Variants in RAP1GAP2 observed in about 807,000 individuals in gnomAD.
The protein encoded by RAP1GAP2 is RAP1 GTPase activating protein 2.
In RAP1GAP2, 27 loss-of-function variants were observed where a neutral mutation model predicts 95.0. The observed-to-expected ratio is 0.28, with a 90% confidence interval of 0.21 to 0.39. The LOEUF (loss-of-function observed/expected upper bound fraction) is 0.39. Among genes scored for constraint, RAP1GAP2 ranks in the 10% least tolerant of loss-of-function variants. The pLI, the probability that RAP1GAP2 is intolerant of heterozygous loss-of-function variation, is 1.00. For synonymous variants in RAP1GAP2, 373 were observed against 380.9 expected, an observed-to-expected ratio of 0.98 and a Z score of 0.24; for missense variants, 771 against 970.0, an observed-to-expected ratio of 0.79 and a Z score of 2.72.
At chr17:2,830,272 G>A (rs111549081) in intron 2 of RAP1GAP2, among the ~76,000 whole-genome samples, 4,807 of 151,970 alleles carry the variant, frequency 0.032, 258 homozygotes, top group African/African-American at 0.11. Flanking sequence ...AAATTAGCTG[G>A]GTGTGGTGGT....
chr17:2,872,213 C>CAAAAAAA (rs562587177), intron 2 of RAP1GAP2, among the ~76,000 whole-genome samples: 789 of 75,628 alleles, frequency 0.01, 50 homozygotes, highest in South Asian at 0.035. Flanking sequence ...GCCTCTGTCT[C>CAAAAAAA]AAAAAAAAAA....
chr17:2,849,497 ATGCGTGTC>A (rs952193234), intron 2 of RAP1GAP2, among the ~76,000 whole-genome samples: 42 of 152,300 alleles, frequency 2.8e-4, no homozygotes, highest in African/African-American at 9.6e-4. Flanking sequence ...AGGGCCAGGC[ATGCGTGTC>A]TGTCTGCCTC....
intron 2 of RAP1GAP2, among the ~76,000 whole-genome samples, chr17:2,844,766 G>A (rs1452906084): frequency 6.6e-6 from 1 of 152,172 alleles, no homozygotes; most frequent in East Asian, 1.9e-4. Flanking sequence ...AGCCAAGCCG[G>A]AAAGTCTTTG....
At chr17:2,954,936 G>A (rs938575700) in intron 3 of RAP1GAP2, among the ~76,000 whole-genome samples, 1 of 152,164 alleles carries the variant, frequency 6.6e-6, no homozygotes, top group African/African-American at 2.4e-5. Context: ...TCAAGGGTCA[G>A]CAGTGTTGTG....
chr17:2,849,944 C>T (rs1037562356), intron 2 of RAP1GAP2, among the ~76,000 whole-genome samples: 17 of 151,106 alleles, frequency 1.1e-4, no homozygotes, highest in African/African-American at 3.7e-4. Context: ...GTGATTTCTT[C>T]AAGAACAGTG....
At chr17:2,989,030 G>T (rs1362051252) in intron 11 of RAP1GAP2, among the ~76,000 whole-genome samples, 2 of 152,034 alleles carry the variant, frequency 1.3e-5, no homozygotes, top group Admixed American at 6.5e-5. Context: ...CTGCACTCTA[G>T]CCTGGGTGAC....
At chr17:2,848,702 C>G (rs113301966) in intron 2 of RAP1GAP2, among the ~76,000 whole-genome samples, 16 of 152,054 alleles carry the variant, frequency 1.1e-4, no homozygotes, top group African/African-American at 3.9e-4. Flanking sequence ...TTAGTAGAGA[C>G]GGGGTTTCAC....
At chr17:2,893,053 G>T (rs2073772282) in intron 2 of RAP1GAP2, among the ~76,000 whole-genome samples, 1 of 151,056 alleles carries the variant, frequency 6.6e-6, no homozygotes, top group Non-Finnish European at 1.5e-5. Flanking sequence ...TTGAGATGGA[G>T]TTTTGCTCTT....
In RAP1GAP2 at chr17:2,816,974, A is replaced by C. The variant is rs547703389; in HGVS notation, c.80+16424A>C. ...GTTCATCCATGTTGTAGCGTGTGTC[A>C]GAATTTCCTTTTTTTTTTTTTTTTT... On this transcript the variant is annotated intron_variant, in intron 2 of 24. Coordinates refer to ENST00000254695, the MANE Select transcript of RAP1GAP2 (RefSeq NM_015085.5). Among the ~76,000 whole-genome samples, 17 of 101,540 alleles carry C rather than the reference A, an allele frequency of 1.7e-4. 2 individuals carry two copies. Among genetic ancestry groups the C allele is most frequent in the African/African-American group, 5.5e-4 (17 of 30,684 alleles). 66.6% of individuals were successfully genotyped at this position (101,540 alleles called of 152,430 possible).
At chr17:2,969,543 C>A (rs959499446) in intron 8 of RAP1GAP2, among the ~76,000 whole-genome samples, 1 of 123,934 alleles carries the variant, frequency 8.1e-6, no homozygotes, top group Non-Finnish European at 1.6e-5. Flanking sequence ...GCTCTGTTGC[C>A]CAGGTTGGAG....
In RAP1GAP2 at chr17:2,832,412, C is replaced by T. The variant is rs543587382; in HGVS notation, c.80+31862C>T. Among the ~76,000 whole-genome samples the T allele has an allele frequency of 5.3e-4, 79 of 148,556 alleles. No homozygotes were observed. The South Asian group carries it at 0.017, about 32-fold the overall frequency. The stretch of plus-strand genomic sequence containing the variant: ...TCTCTACTAAAAATACAAAAAATTA[C>T]CCAGGTGTTGTGGCGGGCACCTGTA... On this transcript the variant is annotated intron_variant, in intron 2 of 24. Transcript: ENST00000254695.
At chr17:2,806,630 C>T (rs2069533771) in intron 2 of RAP1GAP2, among the ~76,000 whole-genome samples, 1 of 151,576 alleles carries the variant, frequency 6.6e-6, no homozygotes, top group Non-Finnish European at 1.5e-5. Flanking sequence ...CTCGTGACCT[C>T]AGATGATCCA....
intron 2 of RAP1GAP2, among the ~76,000 whole-genome samples, chr17:2,804,352 C>G (rs2069423767): frequency 1.3e-5 from 2 of 152,232 alleles, no homozygotes; most frequent in African/African-American, 2.4e-5. Context: ...CCTCATGAAG[C>G]AGGCACCAAT....
intron 8 of RAP1GAP2, among the ~76,000 whole-genome samples, chr17:2,974,366 A>C (rs185849872): frequency 5.9e-5 from 9 of 151,908 alleles, no homozygotes; most frequent in Admixed American, 5.9e-4. Context: ...AAAAAGAAGG[A>C]AAATAACCCT....
intron 3 of RAP1GAP2, among the ~76,000 whole-genome samples, chr17:2,944,772 G>A (rs1468442317): frequency 1.3e-5 from 2 of 152,142 alleles, no homozygotes; most frequent in Admixed American, 1.3e-4. Context: ...ATGGAATGTC[G>A]TTCCATTTAT....
At position 3,008,040 on chromosome 17, in the gene RAP1GAP2, C is replaced by T. The variant is rs748112661; in HGVS notation, c.1389C>T (p.Asn463=). 2.5e-6 allele frequency: 4 copies of T among 1,613,840 alleles called. No individual in the cohort carries two copies. The African/African-American group carries it at 4.0e-5, about 16-fold the overall frequency. ...EDRTRAALLD[N]LHDELHAHTQ... The stretch of plus-strand genomic sequence containing the variant: ...GGACCAGGGCTGCCCTCCTGGACAA[C>T]CTTCACGATGAGCTCCACGCCCACA... Residue 463 remains asparagine (N), a synonymous_variant, in exon 17 of 25, where the codon AAC becomes AAT. Transcript: ENST00000254695. This position sits in a 1 kb window ranked among gnomAD's most constrained non-coding sequence, Gnocchi z 4.2.
intron 2 of RAP1GAP2, among the ~76,000 whole-genome samples, chr17:2,849,500 C>T (rs555879640): frequency 8.5e-5 from 13 of 152,248 alleles, no homozygotes; most frequent in South Asian, 4.1e-4. Context: ...GCCAGGCATG[C>T]GTGTCTGTCT....
intron 1 of RAP1GAP2, among the ~76,000 whole-genome samples, chr17:2,781,635 AGCACGTCTCTGTGTGT>A (rs2068653228): frequency 1.3e-5 from 1 of 76,502 alleles, no homozygotes; most frequent in Non-Finnish European, 2.6e-5. Context: ...TCTCTGTGTG[AGCACGTCTCTGTGTGT>A]GCAGGTCTCT....
At chr17:2,928,433 G>T (rs903190619) in intron 3 of RAP1GAP2, among the ~76,000 whole-genome samples, 6 of 152,246 alleles carry the variant, frequency 3.9e-5, no homozygotes, top group Admixed American at 3.9e-4. Flanking sequence ...GACTGCCCAT[G>T]GTTGACAGCC....
Sources: allele counts gnomAD v4.1 joint callset (sites outside exome capture counted in the v4.1 genomes callset), GRCh38; gene constraint gnomAD v4.1.1; non-coding constraint Gnocchi (gnomAD v3.1); transcripts MANE v1.5; gene names NCBI Gene and HGNC (gene_info 2026-07-23, HGNC 2026-07-21).